Variants in LRIG3 observed in about 807,000 individuals in gnomAD.
LRIG3 encodes leucine-rich repeats and immunoglobulin-like domains protein 3.
In LRIG3, 76 loss-of-function variants were observed where a neutral mutation model predicts 114.5. The observed-to-expected ratio is 0.66, with a 90% CI of 0.55 to 0.80. LRIG3 has a LOEUF of 0.80. LRIG3 is among the 30% of genes least tolerant of loss of function. The probability of loss-of-function intolerance (pLI) is 0.00; values close to 1 mark genes in which losing one functional copy is unlikely to be tolerated. For missense variants in LRIG3, 1,239 were observed against 1,382.8 expected, an observed-to-expected ratio of 0.90 and a Z score of 1.65; for synonymous variants, 512 against 519.8, an observed-to-expected ratio of 0.98 and a Z score of 0.20.
chr12:58,885,799 T>C (rs371676385), intron 10 of LRIG3, 32 bp downstream of exon 10: 1 of 1,436,046 alleles, frequency 7.0e-7, no homozygotes, highest in Non-Finnish European at 9.4e-7. Flanking sequence ...TTAGAGATTC[T>C]CTTTTAGGGT....
intron 15 of LRIG3, among the ~76,000 whole-genome samples, chr12:58,876,820 A>G (rs1565613378): frequency 6.6e-6 from 1 of 152,216 alleles, no homozygotes; most frequent in African/African-American, 2.4e-5. Context: ...TTTATCACCC[A>G]TTGGATGCAC....
Position 58,886,902 on chromosome 12 carries a change from A to C in LRIG3, c.1092-12T>G. On this transcript the variant is annotated splice_polypyrimidine_tract_variant and intron_variant, in intron 8 of 18. Transcript: ENST00000320743. The stretch of plus-strand genomic sequence containing the variant: ...TGTTCTTCAGATCCCTAATTTTAAA[A>C]GAAGCATTCCCTTTAGAGTGATAAG... The C allele has an allele frequency of 6.2e-7, 1 of 1,606,026 alleles. No homozygotes were observed. The highest frequency in any genetic ancestry group is 1.3e-5 in the African/African-American group (1 of 74,824).
In LRIG3 at chr12:58,920,366, G is replaced by A. The variant is rs1027066637; in HGVS notation, c.-131C>T. On this transcript the variant is annotated 5_prime_UTR_variant, in exon 1 of 19. Transcript: ENST00000320743. The stretch of plus-strand genomic sequence containing the variant: ...TGCGCGCTCCTCCCTCGCGCTGCCC[G>A]GTCAATTCCTTCTTTTACTCCCGGC... 5 of 592,960 alleles carry A rather than the reference G, an allele frequency of 8.4e-6. No individual in the cohort carries two copies. The highest frequency in any genetic ancestry group is 1.3e-5 in the Non-Finnish European group (5 of 393,428). 36.7% of individuals were successfully genotyped at this position (592,960 alleles called of 1,614,324 possible).
At chr12:58,915,846 C>A (rs1332375698) in intron 1 of LRIG3, among the ~76,000 whole-genome samples, 1 of 152,098 alleles carries the variant, frequency 6.6e-6, no homozygotes, top group Non-Finnish European at 1.5e-5. Flanking sequence ...GCTTTTAGCA[C>A]CCCAGACAGT....
intron 8 of LRIG3, 134 bp downstream of exon 8, chr12:58,887,655 T>C (rs1229789615): frequency 2.0e-5 from 18 of 898,258 alleles, no homozygotes; most frequent in Non-Finnish European, 3.1e-5. Flanking sequence ...ATCAAACTGA[T>C]CTGGGAAAGA....
At position 58,880,666 on chromosome 12, in the gene LRIG3, T is replaced by G; in HGVS notation, c.1716A>C (p.Glu572Asp). The change falls in exon 13 of 19, where the codon GAA becomes GAC. Residue 572 changes from glutamate (E) to aspartate (D), a missense_variant. By Grantham distance (45) the Glu-to-Asp change is conservative (BLOSUM62 2). Coordinates refer to ENST00000320743, the MANE Select transcript of LRIG3 (RefSeq NM_153377.5). ...YTTILRLREV[E>D]FASEGKYQCV... ...ACTGATATTTCCCCTCACTGGCAAA[T>G]TCCACCTCGCGCAGCCGAAGGATGG... 1 of 1,614,192 alleles carries G rather than the reference T, an allele frequency of 6.2e-7. No individual in the cohort carries two copies. Among genetic ancestry groups the G allele is most frequent in the Non-Finnish European group, 8.5e-7 (1 of 1,180,032 alleles).
At chr12:58,874,715 A>C (rs1207229948) in intron 16 of LRIG3, 142 bp from the exon 17 acceptor site, 8 of 1,025,276 alleles carry the variant, frequency 7.8e-6, no homozygotes, top group Non-Finnish European at 1.1e-5. Context: ...AATTTACAGT[A>C]GGGTTTTAAA....
rs746739539 is a variant in LRIG3, at chr12:58,880,674, C to T, written c.1708G>A (p.Glu570Lys). The T allele has an allele frequency of 2.2e-5, 35 of 1,614,100 alleles. No homozygotes were observed. The highest frequency in any genetic ancestry group is 5.5e-5 in the South Asian group (5 of 91,092). ...TTCCCCTCACTGGCAAATTCCACCTCGCGCAGCCGAAGGATGGTGGTATAC... is the reference window on the plus strand; with the variant it reads ...TTCCCCTCACTGGCAAATTCCACCTTGCGCAGCCGAAGGATGGTGGTATAC... ...MEYTTILRLR[E>K]VEFASEGKYQ... is the part of the protein sequence containing the mutation. The change falls in exon 13 of 19, where the codon GAG (glutamate) becomes AAG (lysine). Residue 570 changes from glutamate to lysine, a missense_variant. Glu to Lys is a moderately conservative substitution (Grantham distance 56). Coordinates refer to ENST00000320743, the MANE Select transcript of LRIG3 (RefSeq NM_153377.5).
chr12:58,907,122 C>T (rs932079076), intron 3 of LRIG3, among the ~76,000 whole-genome samples: 1 of 152,150 alleles, frequency 6.6e-6, no homozygotes, highest in Non-Finnish European at 1.5e-5. Context: ...GGTACATGCC[C>T]AGGCATCTTC....
intron 3 of LRIG3, among the ~76,000 whole-genome samples, chr12:58,913,048 A>G (rs1165715547): frequency 6.6e-6 from 1 of 152,184 alleles, no homozygotes; most frequent in Non-Finnish European, 1.5e-5. Flanking sequence ...GCCCTCAGTA[A>G]AAACAAACCT....
At chr12:58,898,719 C>A (rs957992849) in intron 3 of LRIG3, among the ~76,000 whole-genome samples, 8 of 152,076 alleles carry the variant, frequency 5.3e-5, no homozygotes, top group African/African-American at 1.9e-4. Context: ...AGTGCAGTGG[C>A]ACGATCTCGG....
At chr12:58,919,582 G>A in intron 1 of LRIG3, 1 of 1,538,344 alleles carries the variant, frequency 6.5e-7, no homozygotes, top group Non-Finnish European at 8.7e-7. Flanking sequence ...GACGCAGCTA[G>A]AAACTAAAAC....
intron 12 of LRIG3, among the ~76,000 whole-genome samples, chr12:58,881,420 CAAAA>C (rs376145825): frequency 9.2e-5 from 6 of 65,088 alleles, no homozygotes; most frequent in African/African-American, 1.5e-4. Flanking sequence ...TAGGTAGAGG[CAAAA>C]AAAAAAAAAA....
At chr12:58,891,820 C>T (rs1365461513) in intron 3 of LRIG3, among the ~76,000 whole-genome samples, 1 of 152,126 alleles carries the variant, frequency 6.6e-6, no homozygotes, top group African/African-American at 2.4e-5. Flanking sequence ...CCATGACGTC[C>T]AGTATGGCAG....
intron 3 of LRIG3, among the ~76,000 whole-genome samples, chr12:58,891,927 T>C (rs1210656143): frequency 6.6e-6 from 1 of 152,064 alleles, no homozygotes; most frequent in Non-Finnish European, 1.5e-5. Flanking sequence ...AAGTGCTCAA[T>C]AGCCATCCAC....
chr12:58,879,961 A>G (rs1409473753), intron 13 of LRIG3, among the ~76,000 whole-genome samples: 2 of 152,194 alleles, frequency 1.3e-5, no homozygotes, highest in African/African-American at 2.4e-5. Context: ...GATGCTTTGC[A>G]GCCTTCCAGA....
chr12:58,899,955 G>A (rs1871784593), intron 3 of LRIG3, among the ~76,000 whole-genome samples: 1 of 152,146 alleles, frequency 6.6e-6, no homozygotes, highest in Non-Finnish European at 1.5e-5. Context: ...ATAAACTGAG[G>A]GCTGGGGGTG....
In LRIG3 at chr12:58,872,837, G is replaced by A. The variant is rs1275297588; in HGVS notation, c.3116-21C>T. The A allele has an allele frequency of 1.9e-6, 3 of 1,601,298 alleles. No homozygotes were observed. In the South Asian group the frequency reaches 3.3e-5, roughly 18 times the overall value. ...GGTACCTGAAAGAAAGAAACACCTT[G>A]AGCACATGGGTCCCTTTGCTAGCAT... On this transcript the variant is annotated intron_variant, in intron 18 of 18. Coordinates refer to ENST00000320743, the MANE Select transcript of LRIG3 (RefSeq NM_153377.5).
Position 58,872,576 on chromosome 12 carries a change from G to A in LRIG3, c.3356C>T (p.Thr1119Ile), listed in dbSNP as rs780466819. The A allele has an allele frequency of 5.0e-6, 8 of 1,611,296 alleles. No individual in the cohort carries two copies. The East Asian group carries it at 1.3e-4, about 27-fold the overall frequency. ...TPNFQSYDLD[T>I] ...TTTCCTTTGGTCTCATTCAGTCTATGTGTCCAAGTCATAAGACTGAAAATT... is the reference window on the plus strand; with the variant it reads ...TTTCCTTTGGTCTCATTCAGTCTATATGTCCAAGTCATAAGACTGAAAATT... The change falls in exon 19 of 19, where the codon ACA (threonine) becomes ATA (isoleucine). Residue 1119 changes from threonine to isoleucine, a missense_variant. Physicochemically the swap from Thr to Ile is moderately conservative, Grantham distance 89. Transcript: ENST00000320743.
Sources: gnomAD v4.1 joint callset for allele counts (sites outside exome capture counted in the v4.1 genomes callset) on GRCh38, gnomAD v4.1.1 for gene constraint, MANE v1.5 for transcripts, NCBI Gene and HGNC (gene_info 2026-07-23, HGNC 2026-07-21) for gene names.